ADAM32: variants seen among roughly 807,000 people sequenced by gnomAD.
The protein encoded by ADAM32 is ADAM metallopeptidase domain 32.
Under a neutral mutation model 114.9 loss-of-function variants are expected in ADAM32, and 89 were observed. The ratio of observed to expected loss-of-function variants is 0.77; its 90% CI spans 0.65 to 0.92. The LOEUF (loss-of-function observed/expected upper bound fraction) is 0.92, where lower values mean the gene tolerates loss of function less well. Among genes scored for constraint, ADAM32 ranks in the 40% least tolerant of loss-of-function variants. The pLI is 0.00. For synonymous variants in ADAM32, 285 were observed against 307.5 expected (o/e 0.93, Z 0.77); for missense variants, 870 against 932.8 (o/e 0.93, Z 0.88).
intron 23 of ADAM32, 71 bp downstream of exon 23, chr8:39,281,245 A>G (rs1374320192): frequency 7.4e-6 from 7 of 941,482 alleles, no homozygotes; most frequent in Non-Finnish European, 1.0e-5. Context: ...TTGATAATTC[A>G]CAAATAATTG....
At chr8:39,210,529 T>TA (rs1188566479) in intron 11 of ADAM32, among the ~76,000 whole-genome samples, 1 of 152,150 alleles carries the variant, frequency 6.6e-6, no homozygotes, top group Admixed American at 6.5e-5. Flanking sequence ...TCTGATATCT[T>TA]AAATCGTCAC....
At chr8:39,219,894 C>T (rs369937380) in intron 12 of ADAM32, among the ~76,000 whole-genome samples, 26 of 152,226 alleles carry the variant, frequency 1.7e-4, no homozygotes, top group South Asian at 4.2e-4. Flanking sequence ...GTTCTGTGCA[C>T]GGCTAAGAAA....
At chr8:39,214,507 G>T (rs562496284) in intron 12 of ADAM32, among the ~76,000 whole-genome samples, 35 of 152,136 alleles carry the variant, frequency 2.3e-4, no homozygotes, top group African/African-American at 7.2e-4. Flanking sequence ...TGTCTATTCA[G>T]ACATTTTGCC....
At chr8:39,192,994 T>C (rs1806705374) in intron 11 of ADAM32, among the ~76,000 whole-genome samples, 1 of 152,202 alleles carries the variant, frequency 6.6e-6, no homozygotes, top group Non-Finnish European at 1.5e-5. Context: ...CTATGTGTCT[T>C]GGGAATAATT....
intron 7 of ADAM32, among the ~76,000 whole-genome samples, chr8:39,162,153 C>A (rs1325235595): frequency 9.1e-6 from 1 of 109,434 alleles, no homozygotes; most frequent in Non-Finnish European, 1.8e-5. Flanking sequence ...AATGCTATCC[C>A]TCCCCCCTCC....
At chr8:39,277,804 G>T (rs572814437) in intron 22 of ADAM32, among the ~76,000 whole-genome samples, 8 of 152,334 alleles carry the variant, frequency 5.3e-5, no homozygotes, top group Non-Finnish European at 1.5e-5. Context: ...TCCAGGCAGG[G>T]TGCCTGTGAC....
intron 19 of ADAM32, among the ~76,000 whole-genome samples, chr8:39,260,424 A>G (rs1050135656): frequency 6.6e-6 from 1 of 152,236 alleles, no homozygotes; most frequent in East Asian, 1.9e-4. Flanking sequence ...ACTTTTATTG[A>G]TAGCTTTTCA....
chr8:39,267,841 G>A (rs1585685845), intron 19 of ADAM32, among the ~76,000 whole-genome samples: 1 of 152,188 alleles, frequency 6.6e-6, no homozygotes, highest in Admixed American at 6.5e-5. Context: ...GATCAGTTTC[G>A]GCAGGAGTAG....
intron 22 of ADAM32, 83 bp downstream of exon 22, chr8:39,275,949 T>G: frequency 7.6e-7 from 1 of 1,314,428 alleles, no homozygotes; most frequent in Non-Finnish European, 1.0e-6. Context: ...TAACAATTAC[T>G]TGCTAACTAT....
rs867786403 is a variant in ADAM32 at position 39,257,320 on chromosome 8, G to A, written c.2139G>A (p.Lys713=). 1 of 1,613,066 alleles carries A rather than the reference G, an allele frequency of 6.2e-7. No homozygotes were observed. The highest frequency in any genetic ancestry group is 8.5e-7 in the Non-Finnish European group (1 of 1,179,440). ...ARKQLKKWFA[K]EEEFPSSESK... ...AACAGTTGAAAAAGTGGTTCGCCAA[G>A]GAAGAGGAATTCCCAAGTAGCGAGT... The change falls in exon 19 of 25, where the codon AAG becomes AAA. Residue 713 remains lysine (K), a synonymous_variant. Transcript: ENST00000379907.
intron 11 of ADAM32, among the ~76,000 whole-genome samples, chr8:39,204,832 G>GT (rs1322485484): frequency 1.3e-5 from 2 of 152,336 alleles, no homozygotes; most frequent in South Asian, 4.1e-4. Flanking sequence ...CTGTATGTTA[G>GT]TTTTCCTTCT....
intron 4 of ADAM32, among the ~76,000 whole-genome samples, chr8:39,149,094 CCTT>C (rs1564486820): frequency 6.6e-6 from 1 of 151,916 alleles, no homozygotes; most frequent in African/African-American, 2.4e-5. Flanking sequence ...GTTGTCCAAA[CCTT>C]CTGTAGATTC....
intron 2 of ADAM32, among the ~76,000 whole-genome samples, chr8:39,118,748 A>G (rs946399994): frequency 6.6e-6 from 1 of 152,204 alleles, no homozygotes; most frequent in African/African-American, 2.4e-5. Context: ...TATTTTTAGC[A>G]GTTTTGTTGA....
At chr8:39,236,033 G>A (rs1033666895) in intron 16 of ADAM32, among the ~76,000 whole-genome samples, 3 of 152,044 alleles carry the variant, frequency 2.0e-5, no homozygotes, top group African/African-American at 4.8e-5. Context: ...TATTGTACTC[G>A]TGTAAAAACT....
chr8:39,242,327 A>G (rs1810612979), intron 16 of ADAM32, among the ~76,000 whole-genome samples: 1 of 152,178 alleles, frequency 6.6e-6, no homozygotes, highest in Non-Finnish European at 1.5e-5. Context: ...AGTCACTTTC[A>G]CATTTTTGGG....
rs1215199605 is a variant in ADAM32 at position 39,284,381 on chromosome 8, A to ACACACACACACG, written c.2358-401_2358-400insGCACACACACAC. Among the ~76,000 whole-genome samples, 1,029 of 146,426 alleles carry ACACACACACACG rather than the reference A, an allele frequency of 7.0e-3. 13 individuals are homozygous for ACACACACACACG. The highest frequency in any genetic ancestry group is 0.024 in the African/African-American group (987 of 40,364). The stretch of plus-strand genomic sequence containing the variant: ...GTTATACACACACACACACACGTAC[A>ACACACACACACG]CACACACACACACACACACGTACAC... On this transcript the variant is annotated intron_variant, in intron 24 of 24. Coordinates refer to ENST00000379907, the MANE Select transcript of ADAM32 (RefSeq NM_145004.7).
chr8:39,181,078 G>C (rs999426678), intron 10 of ADAM32, among the ~76,000 whole-genome samples: 5 of 152,220 alleles, frequency 3.3e-5, no homozygotes, highest in African/African-American at 9.6e-5. Context: ...ATGTGGGTGG[G>C]GCCAGATAAG....
intron 9 of ADAM32, chr8:39,165,432 T>G: frequency 2.9e-6 from 1 of 347,048 alleles, no homozygotes; most frequent in Non-Finnish European, 5.1e-6. Context: ...TTCAAGAGGT[T>G]AAGCCATCTC....
At chr8:39,196,442 T>C (rs1325869753) in intron 11 of ADAM32, among the ~76,000 whole-genome samples, 1 of 152,148 alleles carries the variant, frequency 6.6e-6, no homozygotes, top group Non-Finnish European at 1.5e-5. Context: ...TTAAGCTTTT[T>C]CCTGTCCAGT....
Sources: allele counts gnomAD v4.1 joint callset (sites outside exome capture counted in the v4.1 genomes callset), GRCh38; gene constraint gnomAD v4.1.1; transcripts MANE v1.5; gene names NCBI Gene and HGNC (gene_info 2026-07-23, HGNC 2026-07-21).